The following RNF180 variants were observed in gnomAD, a reference collection of about 807,000 sequenced individuals.
RNF180 encodes the protein E3 ubiquitin-protein ligase RNF180.
In RNF180, 38 loss-of-function variants were observed where a neutral mutation model predicts 59.2. That is an observed-to-expected ratio of 0.64 (90% CI 0.50 to 0.84). The LOEUF (loss-of-function observed/expected upper bound fraction) is 0.84, where lower values mean the gene tolerates loss of function less well. Among genes scored for constraint, RNF180 ranks in the 40% least tolerant of loss-of-function variants. RNF180 has a pLI of 0.00. For missense variants in RNF180, 705 were observed against 700.9 expected (o/e 1.01, Z -0.07); for synonymous variants, 262 against 240.3 (o/e 1.09, Z -0.84).
At chr5:64,212,987 A>C (rs1027012298) in intron 3 of RNF180, among the ~76,000 whole-genome samples, 3 of 152,228 alleles carry the variant, frequency 2.0e-5, no homozygotes, top group Non-Finnish European at 4.4e-5. Flanking sequence ...ATATTTCACT[A>C]TCTCAGTTGG....
chr5:64,267,575 T>A (rs1042473947), intron 5 of RNF180, among the ~76,000 whole-genome samples: 3 of 151,900 alleles, frequency 2.0e-5, no homozygotes, highest in Non-Finnish European at 4.4e-5. Context: ...ATTGTTCAAT[T>A]CCCACCTATG....
intron 1 of RNF180, among the ~76,000 whole-genome samples, chr5:64,183,107 A>G (rs1466781687): frequency 6.6e-6 from 1 of 152,172 alleles, no homozygotes; most frequent in East Asian, 1.9e-4. Flanking sequence ...ACTTCAATGC[A>G]TCTCACTCTT....
At chr5:64,254,773 A>G (rs775776439) in intron 5 of RNF180, among the ~76,000 whole-genome samples, 3 of 152,312 alleles carry the variant, frequency 2.0e-5, no homozygotes, top group Admixed American at 6.5e-5. Flanking sequence ...AATGTATAGA[A>G]CAACAGTGCA....
At chr5:64,335,472 T>A (rs568133364) in intron 7 of RNF180, among the ~76,000 whole-genome samples, 2 of 151,966 alleles carry the variant, frequency 1.3e-5, no homozygotes, top group Admixed American at 1.3e-4. Context: ...TTTTATTGAT[T>A]TACTTTCTTT....
At chr5:64,234,724 C>T (rs199681325) in intron 5 of RNF180, among the ~76,000 whole-genome samples, 36 of 149,810 alleles carry the variant, frequency 2.4e-4, no homozygotes, top group Middle Eastern at 3.5e-3. Flanking sequence ...CTCAGCCTCC[C>T]GAGTAGCTGG....
intron 5 of RNF180, among the ~76,000 whole-genome samples, chr5:64,283,353 G>A (rs1369266018): frequency 4.6e-5 from 7 of 151,754 alleles, no homozygotes; most frequent in African/African-American, 1.7e-4. Context: ...TTTCCTTTAA[G>A]CTTGTGGGTG....
intron 1 of RNF180, among the ~76,000 whole-genome samples, chr5:64,195,781 G>A (rs1278274501): frequency 1.3e-5 from 2 of 152,206 alleles, no homozygotes; most frequent in Non-Finnish European, 2.9e-5. Flanking sequence ...GTTTAGGGTT[G>A]TAGGTGGCAG....
chr5:64,182,856 G>A (rs1295513085), intron 1 of RNF180, among the ~76,000 whole-genome samples: 3 of 152,176 alleles, frequency 2.0e-5, no homozygotes, highest in Non-Finnish European at 4.4e-5. Flanking sequence ...CCCTGTCAAT[G>A]TATTGGACCC....
intron 7 of RNF180, among the ~76,000 whole-genome samples, chr5:64,354,177 T>C (rs1383065284): frequency 6.6e-6 from 1 of 151,374 alleles, no homozygotes; most frequent in Non-Finnish European, 1.5e-5. Flanking sequence ...AAACCAAAAT[T>C]TGGTCAGGAA....
chr5:64,209,746 A>G (rs889421406), intron 2 of RNF180, among the ~76,000 whole-genome samples: 1 of 152,052 alleles, frequency 6.6e-6, no homozygotes, highest in Non-Finnish European at 1.5e-5. Context: ...TGTCAATTCT[A>G]GTTTGTATTC....
At chr5:64,269,927 T>G (rs931666471) in intron 5 of RNF180, among the ~76,000 whole-genome samples, 3 of 152,080 alleles carry the variant, frequency 2.0e-5, no homozygotes, top group African/African-American at 7.2e-5. Context: ...AGGCATTCAT[T>G]GCCTGGCTGA....
intron 5 of RNF180, among the ~76,000 whole-genome samples, chr5:64,276,319 G>GGTGTGTGTGTGTGTGTGTGTGT (rs375203511): frequency 5.1e-5 from 7 of 138,086 alleles, no homozygotes; most frequent in Admixed American, 1.5e-4. Flanking sequence ...AAAATACATT[G>GGTGTGTGTGTGTGTGTGTGTGT]GTGTGTGTGT....
intron 1 of RNF180, among the ~76,000 whole-genome samples, chr5:64,172,120 A>G (rs932930283): frequency 1.3e-5 from 2 of 152,202 alleles, no homozygotes; most frequent in Non-Finnish European, 2.9e-5. Flanking sequence ...TGCCTGAAAA[A>G]GTGAGGAAAC....
chr5:64,317,620 A>ATT (rs1744120686), intron 5 of RNF180, among the ~76,000 whole-genome samples: 2 of 110,950 alleles, frequency 1.8e-5, no homozygotes, highest in African/African-American at 4.9e-5. Context: ...ACACACACAT[A>ATT]TATACACACA....
chr5:64,321,535 A>G (rs1744348266), intron 5 of RNF180, among the ~76,000 whole-genome samples: 1 of 152,210 alleles, frequency 6.6e-6, no homozygotes, highest in Admixed American at 6.5e-5. Context: ...AATAAGTAGA[A>G]AAACGTTTCA....
chr5:64,224,457 A>C (rs756383412), intron 5 of RNF180, among the ~76,000 whole-genome samples: 21 of 152,108 alleles, frequency 1.4e-4, no homozygotes, highest in Non-Finnish European at 2.5e-4. Context: ...CTATTGAGAG[A>C]ATGAGAGTTT....
At chr5:64,263,748 CT>C (rs1744492424) in intron 5 of RNF180, among the ~76,000 whole-genome samples, 1 of 152,012 alleles carries the variant, frequency 6.6e-6, no homozygotes, top group Admixed American at 6.6e-5. Flanking sequence ...AACCCACTGC[CT>C]AACTCAAAAA....
intron 7 of RNF180, among the ~76,000 whole-genome samples, chr5:64,355,836 T>G (rs1745995812): frequency 6.6e-6 from 1 of 151,848 alleles, no homozygotes; most frequent in Non-Finnish European, 1.5e-5. Context: ...GATAGCTGAT[T>G]TACATATGCA....
At chr5:64,362,901 G>C (rs1390422868) in intron 7 of RNF180, among the ~76,000 whole-genome samples, 1 of 141,538 alleles carries the variant, frequency 7.1e-6, no homozygotes, top group Non-Finnish European at 1.5e-5. Flanking sequence ...AAGAATGTCT[G>C]TTCATGTCCT....
Sources: gnomAD v4.1 joint callset for allele counts (sites outside exome capture counted in the v4.1 genomes callset) on GRCh38, gnomAD v4.1.1 for gene constraint, MANE v1.5 for transcripts, NCBI Gene and HGNC (gene_info 2026-07-23, HGNC 2026-07-21) for gene names.